The following SCAPER variants were observed in gnomAD, a reference collection of about 807,000 sequenced individuals.
The protein encoded by SCAPER is S phase cyclin A-associated protein in the endoplasmic reticulum.
SCAPER carries 98 observed loss-of-function variants against 182.2 expected under a neutral mutation model. The observed-to-expected ratio is 0.54, with a 90% CI of 0.46 to 0.64. The LOEUF (loss-of-function observed/expected upper bound fraction) is 0.64, where lower values mean the gene tolerates loss of function less well. Among genes scored for constraint, SCAPER ranks in the 30% least tolerant of loss-of-function variants. The pLI, the probability that SCAPER is intolerant of heterozygous loss-of-function variation, is 0.00. For synonymous variants in SCAPER, 605 were observed against 564.6 expected (o/e 1.07, Z -1.01); for missense variants, 1,432 against 1,690.0 (o/e 0.85, Z 2.68).
At chr15:76,654,567 T>A (rs1309972069) in intron 21 of SCAPER, among the ~76,000 whole-genome samples, 1 of 152,092 alleles carries the variant, frequency 6.6e-6, no homozygotes, top group Non-Finnish European at 1.5e-5. Context: ...TGAAGATTTC[T>A]CAAAGAACTT....
intron 17 of SCAPER, among the ~76,000 whole-genome samples, chr15:76,726,033 C>A (rs2060566087): frequency 6.8e-6 from 1 of 146,778 alleles, no homozygotes; most frequent in African/African-American, 2.5e-5. Flanking sequence ...TTTTGTTCTT[C>A]AATAGACAAT....
At chr15:76,630,944 G>A (rs2053051604) in intron 21 of SCAPER, among the ~76,000 whole-genome samples, 1 of 152,148 alleles carries the variant, frequency 6.6e-6, no homozygotes, top group Non-Finnish European at 1.5e-5. Context: ...CTCTCTGTAG[G>A]TCTCTAAGAA....
intron 24 of SCAPER, among the ~76,000 whole-genome samples, chr15:76,493,502 C>T (rs2052533996): frequency 6.6e-6 from 1 of 152,104 alleles, no homozygotes; most frequent in South Asian, 2.1e-4. Context: ...AAATTAGCCT[C>T]TGACTGAGAA....
At chr15:76,551,847 T>C (rs545967034) in intron 23 of SCAPER, among the ~76,000 whole-genome samples, 1 of 152,054 alleles carries the variant, frequency 6.6e-6, no homozygotes, top group Non-Finnish European at 1.5e-5. Flanking sequence ...CAATTATATA[T>C]AAAATACAAC....
chr15:76,795,518 A>T, intron 7 of SCAPER, 78 bp from the exon 8 acceptor site: 1 of 1,112,820 alleles, frequency 9.0e-7, no homozygotes, highest in Non-Finnish European at 1.2e-6. Flanking sequence ...TGTATTTAAA[A>T]TTTAAATTAT....
rs563316587 is a variant in SCAPER, at chr15:76,681,242, T to C, written c.2509-15453A>G. ...CTAACCCTATAAACAAAAGGAGAAC[T>C]TACCCAATTTTCAAATTTCCTACAG... On this transcript the variant is annotated intron_variant, in intron 20 of 31. Transcript: ENST00000563290. Among the ~76,000 whole-genome samples the C allele has an allele frequency of 4.6e-5, 7 of 152,282 alleles. 1 individual carries two copies. The highest frequency in any genetic ancestry group is 1.7e-4 in the African/African-American group (7 of 41,566).
intron 26 of SCAPER, among the ~76,000 whole-genome samples, chr15:76,425,487 C>G (rs1245459810): frequency 6.6e-6 from 1 of 152,134 alleles, no homozygotes; most frequent in Non-Finnish European, 1.5e-5. Context: ...AAGGACTTGT[C>G]TACATTGGTT....
At chr15:76,830,080 G>A (rs1212411748) in intron 5 of SCAPER, among the ~76,000 whole-genome samples, 1 of 152,148 alleles carries the variant, frequency 6.6e-6, no homozygotes, top group Non-Finnish European at 1.5e-5. Flanking sequence ...TAAAAGAAAT[G>A]AGTAAGAAGG....
chr15:76,590,891 A>G (rs982482243), intron 22 of SCAPER, among the ~76,000 whole-genome samples: 2 of 152,248 alleles, frequency 1.3e-5, no homozygotes, highest in Non-Finnish European at 2.9e-5. Flanking sequence ...TTGCAGCAAC[A>G]TGAGTGGAAC....
chr15:76,862,025 G>A (rs971239191), intron 3 of SCAPER: 2 of 154,918 alleles, frequency 1.3e-5, no homozygotes, highest in African/African-American at 4.8e-5. Flanking sequence ...ACAGCATGGG[G>A]GAAACCACCC....
intron 1 of SCAPER, among the ~76,000 whole-genome samples, chr15:76,893,827 A>T (rs2074285088): frequency 1.3e-5 from 2 of 152,244 alleles, no homozygotes; most frequent in South Asian, 4.1e-4. Context: ...AATGGGTCAT[A>T]GAAAAAAATC....
At chr15:76,571,489 T>C (rs1597443346) in intron 23 of SCAPER, among the ~76,000 whole-genome samples, 1 of 152,078 alleles carries the variant, frequency 6.6e-6, no homozygotes, top group Non-Finnish European at 1.5e-5. Flanking sequence ...TCTCCTCAGT[T>C]TCCTGACCCC....
chr15:76,741,531 T>G (rs1325208822), intron 15 of SCAPER, among the ~76,000 whole-genome samples: 1 of 151,930 alleles, frequency 6.6e-6, no homozygotes, highest in African/African-American at 2.4e-5. Flanking sequence ...ACTGTAAATA[T>G]TTAGGAGGGA....
chr15:76,882,241 T>C (rs1195644448), intron 2 of SCAPER, among the ~76,000 whole-genome samples: 1 of 151,628 alleles, frequency 6.6e-6, no homozygotes, highest in African/African-American at 2.4e-5. Context: ...TACAAAAAAA[T>C]TAAAAATAAA....
At chr15:76,450,663 C>T (rs1028920655) in intron 25 of SCAPER, among the ~76,000 whole-genome samples, 4 of 152,144 alleles carry the variant, frequency 2.6e-5, no homozygotes, top group South Asian at 2.1e-4. Flanking sequence ...AAACGATTCT[C>T]GTGCCTCAGC....
intron 26 of SCAPER, among the ~76,000 whole-genome samples, chr15:76,425,257 C>T (rs2046341524): frequency 6.6e-6 from 1 of 152,230 alleles, no homozygotes; most frequent in Non-Finnish European, 1.5e-5. Context: ...GTACACCAAT[C>T]AGACGCAGAT....
intron 23 of SCAPER, among the ~76,000 whole-genome samples, chr15:76,507,351 G>A (rs1748580410): frequency 6.6e-6 from 1 of 152,102 alleles, no homozygotes; most frequent in Non-Finnish European, 1.5e-5. Flanking sequence ...TGGACTTCCA[G>A]CATCTAAAAC....
At chr15:76,379,671 AT>A (rs1416080997) in intron 28 of SCAPER, 1 of 148,846 alleles carries the variant, frequency 6.7e-6, no homozygotes, top group African/African-American at 2.5e-5. Context: ...TAGGCTTTTG[AT>A]TTTTCTTTTT....
At chr15:76,678,502 CA>C (rs2057495361) in intron 20 of SCAPER, among the ~76,000 whole-genome samples, 1 of 152,018 alleles carries the variant, frequency 6.6e-6, no homozygotes, top group African/African-American at 2.4e-5. Context: ...AAATAGGAAG[CA>C]TTTATAATAC....
Sources: allele counts gnomAD v4.1 joint callset (sites outside exome capture counted in the v4.1 genomes callset), GRCh38; gene constraint gnomAD v4.1.1; transcripts MANE v1.5; gene names NCBI Gene and HGNC (gene_info 2026-07-23, HGNC 2026-07-21).